The following GRM1 variants were observed in gnomAD, a reference collection of about 807,000 sequenced individuals.
GRM1 encodes glutamate metabotropic receptor 1, also known as metabotropic glutamate receptor 1.
Under a neutral mutation model 90.9 loss-of-function variants are expected in GRM1, and 33 were observed. The ratio of observed to expected loss-of-function variants is 0.36; its 90% CI spans 0.28 to 0.49. The LOEUF (loss-of-function observed/expected upper bound fraction) is 0.49. Ranked by LOEUF, GRM1 falls within the 20% of genes least tolerant of loss-of-function variation. GRM1 has a pLI of 0.99. For missense variants in GRM1, 1,190 were observed against 1,534.3 expected (o/e 0.78, Z 3.75); for synonymous variants, 700 against 613.2 (o/e 1.14, Z -2.09).
intron 1 of GRM1, among the ~76,000 whole-genome samples, chr6:146,077,350 A>T (rs1292294950): frequency 6.6e-6 from 1 of 152,164 alleles, no homozygotes; most frequent in Non-Finnish European, 1.5e-5. Context: ...GTGGTACAGG[A>T]TGGTTAGCTC....
chr6:146,270,208 C>A (rs1344033364), intron 2 of GRM1, among the ~76,000 whole-genome samples: 1 of 152,038 alleles, frequency 6.6e-6, no homozygotes, highest in Non-Finnish European at 1.5e-5. Context: ...GCAAACAAGG[C>A]ACTTGTGATA....
At chr6:146,178,021 G>A (rs535913358) in intron 2 of GRM1, among the ~76,000 whole-genome samples, 92 of 152,220 alleles carry the variant, frequency 6.0e-4, no homozygotes, top group African/African-American at 2.2e-3. Flanking sequence ...TATTAGTAGA[G>A]TACATTTGTT....
chr6:146,395,921 C>T (rs1327559923), intron 6 of GRM1, among the ~76,000 whole-genome samples: 4 of 152,084 alleles, frequency 2.6e-5, no homozygotes, highest in Non-Finnish European at 5.9e-5. Context: ...TGCAGGATGA[C>T]AGCTAAAGAA....
intron 7 of GRM1, among the ~76,000 whole-genome samples, chr6:146,430,488 T>C (rs754364709): frequency 6.6e-6 from 1 of 152,208 alleles, no homozygotes; most frequent in Non-Finnish European, 1.5e-5. Context: ...GTAACAATTA[T>C]GTGGTGTTTT....
intron 2 of GRM1, among the ~76,000 whole-genome samples, chr6:146,273,189 A>G (rs6570754): frequency 0.24 from 35,817 of 152,088 alleles, 8,990 homozygotes; most frequent in African/African-American, 0.63. Context: ...ATTTGAATTA[A>G]CTAATACCTT....
intron 2 of GRM1, among the ~76,000 whole-genome samples, chr6:146,295,884 C>T (rs1783159336): frequency 6.6e-6 from 1 of 152,140 alleles, no homozygotes; most frequent in African/African-American, 2.4e-5. Flanking sequence ...TCCCATCCTT[C>T]ACCCTCAAGG....
intron 1 of GRM1, among the ~76,000 whole-genome samples, chr6:146,158,564 A>G (rs542720593): frequency 1.3e-5 from 2 of 152,164 alleles, no homozygotes; most frequent in Non-Finnish European, 2.9e-5. Flanking sequence ...TGTATCATCC[A>G]CATACAAGTG....
intron 2 of GRM1, among the ~76,000 whole-genome samples, chr6:146,252,640 T>A (rs192940038): frequency 9.5e-4 from 144 of 152,224 alleles, no homozygotes; most frequent in African/African-American, 3.4e-3. Context: ...TAAAAAAGGA[T>A]AAATTAGAGT....
In GRM1 at chr6:146,352,464, G is replaced by A; in HGVS notation, c.1401G>A (p.Val467=). Residue 467 remains valine (V), a synonymous_variant, in exon 4 of 8, where the codon GTG becomes GTA. Transcript: ENST00000282753. ...SSFIGVSGEE[V]WFDEKGDAPG... ...TCATTGGAGTATCTGGAGAGGAGGT[G>A]TGGTTTGATGAGAAAGGAGACGCTC... The A allele has an allele frequency of 1.2e-6, 2 of 1,613,846 alleles. No individual in the cohort carries two copies. The highest frequency in any genetic ancestry group is 1.7e-6 in the Non-Finnish European group (2 of 1,179,758).
chr6:146,141,299 C>A (rs1457575371), intron 1 of GRM1, among the ~76,000 whole-genome samples: 1 of 148,228 alleles, frequency 6.7e-6, no homozygotes, highest in East Asian at 2.0e-4. Context: ...TTTTCTCTTG[C>A]TGCTTCTAAG....
chr6:146,251,435 A>T (rs919711647), intron 2 of GRM1, among the ~76,000 whole-genome samples: 1 of 152,198 alleles, frequency 6.6e-6, no homozygotes, highest in Non-Finnish European at 1.5e-5. Context: ...CACATTCACA[A>T]ATCAGCAGAC....
intron 3 of GRM1, among the ~76,000 whole-genome samples, chr6:146,329,052 G>A (rs1240586488): frequency 2.6e-5 from 4 of 152,104 alleles, no homozygotes; most frequent in Non-Finnish European, 4.4e-5. Flanking sequence ...GTTACCATCT[G>A]TTACCAGCAC....
At chr6:146,272,556 A>G (rs1782204645) in intron 2 of GRM1, among the ~76,000 whole-genome samples, 1 of 152,202 alleles carries the variant, frequency 6.6e-6, no homozygotes, top group Non-Finnish European at 1.5e-5. Context: ...GCACACAAAT[A>G]TCTATGATCA....
intron 1 of GRM1, among the ~76,000 whole-genome samples, chr6:146,092,794 C>A (rs1776756363): frequency 6.6e-6 from 1 of 152,078 alleles, no homozygotes; most frequent in Non-Finnish European, 1.5e-5. Flanking sequence ...CTATTTCTAA[C>A]TTTTGAGGCA....
chr6:146,246,986 G>A (rs1358316132), intron 2 of GRM1, among the ~76,000 whole-genome samples: 2 of 152,152 alleles, frequency 1.3e-5, no homozygotes, highest in Non-Finnish European at 2.9e-5. Context: ...TTTATAATAT[G>A]GGGGAAGGCC....
At chr6:146,425,117 CG>C (rs1305609841) in intron 7 of GRM1, among the ~76,000 whole-genome samples, 1 of 152,120 alleles carries the variant, frequency 6.6e-6, no homozygotes, top group Non-Finnish European at 1.5e-5. Flanking sequence ...AAATTACTCT[CG>C]GTAAATCATG....
chr6:146,076,866 T>A (rs1186583360), intron 1 of GRM1, among the ~76,000 whole-genome samples: 1 of 152,052 alleles, frequency 6.6e-6, no homozygotes, highest in African/African-American at 2.4e-5. Flanking sequence ...TGCCTGAAAG[T>A]CTTCAGGCTG....
At chr6:146,181,332 G>A (rs1173634598) in intron 2 of GRM1, among the ~76,000 whole-genome samples, 1 of 152,018 alleles carries the variant, frequency 6.6e-6, no homozygotes, top group Non-Finnish European at 1.5e-5. Flanking sequence ...GAATAAGGAA[G>A]TCTTTGTGAT....
intron 2 of GRM1, among the ~76,000 whole-genome samples, chr6:146,273,883 T>C (rs1022297632): frequency 2.0e-5 from 3 of 152,210 alleles, no homozygotes; most frequent in Admixed American, 1.3e-4. Flanking sequence ...TTCATTTTGA[T>C]TTGAATATTG....
Sources: allele counts gnomAD v4.1 joint callset (sites outside exome capture counted in the v4.1 genomes callset), GRCh38; gene constraint gnomAD v4.1.1; transcripts MANE v1.5; gene names NCBI Gene and HGNC (gene_info 2026-07-23, HGNC 2026-07-21).